The following LIMA1 variants were observed in gnomAD, a reference collection of about 807,000 sequenced individuals.
LIMA1 encodes LIM domain and actin binding 1, also known as LIM domain and actin-binding protein 1.
Under a neutral mutation model 62.6 loss-of-function variants are expected in LIMA1, and 52 were observed. That is an observed-to-expected ratio of 0.83 (90% CI 0.67 to 1.05). LIMA1 has a LOEUF of 1.05. Ranked by LOEUF, LIMA1 falls within the 50% of genes least tolerant of loss-of-function variation. The pLI, the probability that LIMA1 is intolerant of heterozygous loss-of-function variation, is 0.00. For missense variants in LIMA1, 780 were observed against 902.2 expected, an observed-to-expected ratio of 0.86 and a Z score of 1.74; for synonymous variants, 302 against 317.8, an observed-to-expected ratio of 0.95 and a Z score of 0.53.
intron 9 of LIMA1, chr12:50,187,805 TAC>T (rs1940663594): frequency 6.6e-6 from 1 of 152,220 alleles, no homozygotes; most frequent in Non-Finnish European, 1.5e-5. Context: ...GGTTGTCCCG[TAC>T]ACAGTGAGGG....
chr12:50,231,526 A>T, intron 3 of LIMA1, 139 bp downstream of exon 3: 1 of 793,056 alleles, frequency 1.3e-6, no homozygotes, highest in Non-Finnish European at 2.2e-6. Flanking sequence ...TCCTGAGCAA[A>T]TGGCTCAGAG....
At chr12:50,196,087 C>A (rs185983765) in intron 7 of LIMA1, 200 bp from the exon 8 acceptor site, 1 of 511,412 alleles carries the variant, frequency 2.0e-6, no homozygotes, top group Non-Finnish European at 3.4e-6. Flanking sequence ...TATTAACATG[C>A]CTCTCAATTA....
chr12:50,190,316 A>G (rs957490673), intron 9 of LIMA1: 15 of 150,080 alleles, frequency 1.0e-4, no homozygotes, highest in African/African-American at 3.2e-4. Flanking sequence ...CCTGGCCTCA[A>G]TTCTTAATAT....
intron 2 of LIMA1, among the ~76,000 whole-genome samples, chr12:50,244,200 G>A (rs527241822): frequency 6.6e-6 from 1 of 152,102 alleles, no homozygotes; most frequent in African/African-American, 2.4e-5. Context: ...CCAGGTCCCA[G>A]TTAAGCAATT....
intron 3 of LIMA1, among the ~76,000 whole-genome samples, chr12:50,227,195 C>T (rs1044537357): frequency 1.3e-5 from 2 of 150,956 alleles, no homozygotes; most frequent in African/African-American, 2.4e-5. Context: ...TCTTAAACTC[C>T]TTCTTGATTA....
At chr12:50,231,183 T>C (rs1259017368) in intron 3 of LIMA1, among the ~76,000 whole-genome samples, 1 of 152,230 alleles carries the variant, frequency 6.6e-6, no homozygotes, top group Non-Finnish European at 1.5e-5. Flanking sequence ...AGAGAGTTTA[T>C]TCTGGAGGTT....
At chr12:50,251,516 G>T (rs1019765154) in intron 1 of LIMA1, among the ~76,000 whole-genome samples, 15 of 151,358 alleles carry the variant, frequency 9.9e-5, no homozygotes, top group African/African-American at 3.4e-4. Context: ...AGCTACTTGA[G>T]AGGCTGAGGC....
intron 1 of LIMA1, among the ~76,000 whole-genome samples, chr12:50,259,886 G>T (rs974807780): frequency 6.6e-6 from 1 of 152,140 alleles, no homozygotes; most frequent in African/African-American, 2.4e-5. Flanking sequence ...GATATTTTGT[G>T]CCTTCAAAAA....
chr12:50,201,225 T>C, intron 6 of LIMA1: 3 of 1,047,810 alleles, frequency 2.9e-6, no homozygotes, highest in Non-Finnish European at 3.4e-6. Flanking sequence ...ATGCAAAGCT[T>C]GTGAGTTTTA....
intron 4 of LIMA1, among the ~76,000 whole-genome samples, chr12:50,213,098 G>A (rs1422503582): frequency 6.6e-6 from 1 of 152,254 alleles, no homozygotes; most frequent in Admixed American, 6.5e-5. Flanking sequence ...CCAAAGTGCT[G>A]GGATTACAAG....
chr12:50,281,475 A>G (rs942038049), intron 1 of LIMA1, among the ~76,000 whole-genome samples: 1 of 152,198 alleles, frequency 6.6e-6, no homozygotes, highest in Non-Finnish European at 1.5e-5. Context: ...CTTTAACCAG[A>G]GTCTGGAACA....
intron 6 of LIMA1, chr12:50,201,125 A>G (rs1941040958): frequency 7.9e-7 from 1 of 1,266,476 alleles, no homozygotes; most frequent in Non-Finnish European, 1.0e-6. Context: ...ATTGCTCATT[A>G]GAATACAGAC....
At chr12:50,179,845 A>G (rs752468347) in intron 10 of LIMA1, among the ~76,000 whole-genome samples, 6 of 151,222 alleles carry the variant, frequency 4.0e-5, no homozygotes, top group Non-Finnish European at 8.8e-5. Context: ...GGCTCAAGTG[A>G]TCCTCCAGCC....
chr12:50,179,747 GTTTTT>G (rs1292477108), intron 10 of LIMA1, among the ~76,000 whole-genome samples: 1 of 129,840 alleles, frequency 7.7e-6, no homozygotes, highest in Non-Finnish European at 1.7e-5. Flanking sequence ...ATTTTTTGTT[GTTTTT>G]TTTTTTGAGT....
chr12:50,276,351 C>T (rs1942275858), intron 1 of LIMA1, among the ~76,000 whole-genome samples: 1 of 152,092 alleles, frequency 6.6e-6, no homozygotes, highest in South Asian at 2.1e-4. Context: ...CGTACAGGGA[C>T]TATCCACATA....
chr12:50,211,411 G>A (rs1162859790), intron 4 of LIMA1, among the ~76,000 whole-genome samples: 2 of 151,082 alleles, frequency 1.3e-5, no homozygotes, highest in Admixed American at 6.6e-5. Flanking sequence ...GGGAGGCAGA[G>A]GCAGGAGGGT....
chr12:50,227,935 C>T (rs1311823224), intron 3 of LIMA1, among the ~76,000 whole-genome samples: 1 of 151,488 alleles, frequency 6.6e-6, no homozygotes, highest in African/African-American at 2.4e-5. Context: ...TCTTGGCTCA[C>T]TGCAAGCTCC....
intron 9 of LIMA1, among the ~76,000 whole-genome samples, chr12:50,191,155 T>C (rs1940759822): frequency 6.9e-6 from 1 of 145,916 alleles, no homozygotes; most frequent in Non-Finnish European, 1.5e-5. Context: ...AAGATCAAGC[T>C]CTGCAGATTA....
chr12:50,247,130 C>T, intron 2 of LIMA1, among the ~76,000 whole-genome samples: 1 of 151,924 alleles, frequency 6.6e-6, no homozygotes, highest in African/African-American at 2.4e-5. Flanking sequence ...AGAGTGAAAC[C>T]CTGTCTCAAC....
Sources: gnomAD v4.1 joint callset for allele counts (sites outside exome capture counted in the v4.1 genomes callset) on GRCh38, gnomAD v4.1.1 for gene constraint, MANE v1.5 for transcripts, NCBI Gene and HGNC (gene_info 2026-07-23, HGNC 2026-07-21) for gene names.